ST3GAL3: variants seen among roughly 807,000 people sequenced by gnomAD.
ST3GAL3 encodes CMP-N-acetylneuraminate-beta-1,4-galactoside alpha-2,3-sialyltransferase.
A neutral mutation model predicts 50.1 loss-of-function variants in ST3GAL3; 21 were observed. That is an observed-to-expected ratio of 0.42 (90% confidence interval 0.30 to 0.60). The LOEUF is 0.60. ST3GAL3 is among the 20% of genes least tolerant of loss of function. ST3GAL3 has a pLI of 0.19. For synonymous variants in ST3GAL3, 183 were observed against 190.0 expected (o/e 0.96, Z 0.30); for missense variants, 353 against 489.4 (o/e 0.72, Z 2.63).
chr1:43,879,300 C>T (rs1478782597), intron 5 of ST3GAL3: 1 of 456,164 alleles, frequency 2.2e-6, no homozygotes, highest in East Asian at 7.0e-5. Flanking sequence ...GCATTGGGCC[C>T]TTTAACCTGT....
intron 2 of ST3GAL3, among the ~76,000 whole-genome samples, chr1:43,791,250 C>T (rs947001869): frequency 2.0e-5 from 3 of 152,148 alleles, no homozygotes; most frequent in African/African-American, 7.2e-5. Context: ...TCTCTTTTAT[C>T]AGTTTCTAGT....
intron 5 of ST3GAL3, among the ~76,000 whole-genome samples, chr1:43,853,266 G>A (rs1478262490): frequency 1.3e-5 from 2 of 152,206 alleles, no homozygotes; most frequent in Non-Finnish European, 2.9e-5. Context: ...CGTCCATGCT[G>A]CAGAGTGATA....
At chr1:43,717,895 G>A (rs1427906758) in intron 1 of ST3GAL3, among the ~76,000 whole-genome samples, 3 of 150,942 alleles carry the variant, frequency 2.0e-5, no homozygotes, top group Non-Finnish European at 2.9e-5. Context: ...TAAATGAGAC[G>A]GAGTTTCACT....
chr1:43,885,390 G>A (rs995817410), intron 5 of ST3GAL3, among the ~76,000 whole-genome samples: 2 of 152,158 alleles, frequency 1.3e-5, no homozygotes, highest in African/African-American at 2.4e-5. Flanking sequence ...TCCTTCTCAC[G>A]CACTCACACA....
chr1:43,771,211 A>G (rs549685350), intron 2 of ST3GAL3, among the ~76,000 whole-genome samples: 5 of 152,340 alleles, frequency 3.3e-5, no homozygotes, highest in Admixed American at 3.3e-4. Context: ...AACTGAATGT[A>G]TTTTATATTC....
chr1:43,768,560 G>A (rs1040841646), intron 2 of ST3GAL3, among the ~76,000 whole-genome samples: 14 of 152,228 alleles, frequency 9.2e-5, no homozygotes, highest in African/African-American at 3.1e-4. Flanking sequence ...CCAGGAACAG[G>A]AAGGGAGACC....
At position 43,898,324 on chromosome 1, in the gene ST3GAL3, TA is replaced by T. The variant is rs567813640; in HGVS notation, c.461+27del. On this transcript the variant is annotated intron_variant, in intron 7 of 11. Transcript: ENST00000347631. ...GTGAGCCACACACTGTGCAGCCTCC[TA>T]CCCACCGCTGCCTGGTGGTGTGCAG... 219 of 1,611,448 alleles carry T rather than the reference TA, an allele frequency of 1.4e-4. 1 individual carries two copies. In the African/African-American group the frequency reaches 2.5e-3, roughly 18 times the overall value.
At chr1:43,764,783 C>T (rs1005821293) in intron 2 of ST3GAL3, among the ~76,000 whole-genome samples, 4 of 152,190 alleles carry the variant, frequency 2.6e-5, no homozygotes, top group Non-Finnish European at 4.4e-5. Flanking sequence ...GGCCAGGCAG[C>T]GCTCTTCAGC....
intron 5 of ST3GAL3, among the ~76,000 whole-genome samples, chr1:43,889,701 A>G (rs760712071): frequency 4.5e-4 from 69 of 152,348 alleles, no homozygotes; most frequent in South Asian, 6.2e-4. Context: ...CAAAAACAGT[A>G]GTTGTGTTAA....
At chr1:43,853,332 C>A (rs2067701112) in intron 5 of ST3GAL3, among the ~76,000 whole-genome samples, 1 of 152,176 alleles carries the variant, frequency 6.6e-6, no homozygotes, top group South Asian at 2.1e-4. Context: ...TGGATCAGGT[C>A]CCATGCTGAG....
intron 5 of ST3GAL3, among the ~76,000 whole-genome samples, chr1:43,879,908 CTT>C (rs1339822005): frequency 3.3e-5 from 5 of 152,226 alleles, no homozygotes. Context: ...ATCCATCTGA[CTT>C]TTCCTGCTCC....
At chr1:43,844,588 G>A (rs2065922393) in intron 5 of ST3GAL3, among the ~76,000 whole-genome samples, 1 of 152,134 alleles carries the variant, frequency 6.6e-6, no homozygotes, top group Non-Finnish European at 1.5e-5. Context: ...GAGGAGGGTG[G>A]ATCATGAGGT....
intron 2 of ST3GAL3, among the ~76,000 whole-genome samples, chr1:43,767,357 T>C (rs1693466494): frequency 6.6e-6 from 1 of 152,086 alleles, no homozygotes; most frequent in South Asian, 2.1e-4. Context: ...GGGATGGTAC[T>C]CCCTGGGCAG....
At chr1:43,785,922 A>G (rs1558291993) in intron 2 of ST3GAL3, among the ~76,000 whole-genome samples, 1 of 152,100 alleles carries the variant, frequency 6.6e-6, no homozygotes, top group Admixed American at 6.6e-5. Flanking sequence ...GTCAGCATCC[A>G]TTTGCCCAAG....
chr1:43,716,707 A>G (rs1393888728), intron 1 of ST3GAL3, among the ~76,000 whole-genome samples: 1 of 152,160 alleles, frequency 6.6e-6, no homozygotes, highest in Non-Finnish European at 1.5e-5. Flanking sequence ...GTCTTCCTGA[A>G]CCTCATGTGC....
intron 5 of ST3GAL3, among the ~76,000 whole-genome samples, chr1:43,870,888 A>C (rs957162853): frequency 6.6e-6 from 1 of 152,186 alleles, no homozygotes; most frequent in Non-Finnish European, 1.5e-5. Flanking sequence ...GAGAAGGCCA[A>C]GTGGGCCAGG....
At position 43,930,284 on chromosome 1, in the gene ST3GAL3, A is replaced by T; in HGVS notation, c.*63A>T. ...CCAGGAGCAGCAGCCAGCACCACCT[A>T]CACAGGAGTCTTCAGACCCAGAGAA... On this transcript the variant is annotated 3_prime_UTR_variant, in exon 12 of 12. Coordinates refer to ENST00000347631, the MANE Select transcript of ST3GAL3 (RefSeq NM_006279.5). The T allele has an allele frequency of 6.7e-7, 1 of 1,498,408 alleles. No individual in the cohort carries two copies. Among genetic ancestry groups the T allele is most frequent in the Non-Finnish European group, 9.3e-7 (1 of 1,079,368 alleles). The allele number at this position is 1,498,408 out of a possible 1,614,324, so 92.8% of individuals were successfully genotyped here.
intron 5 of ST3GAL3, chr1:43,850,949 G>T: frequency 9.6e-7 from 1 of 1,036,546 alleles, no homozygotes; most frequent in Non-Finnish European, 1.5e-6. Context: ...TCCTGTAGAA[G>T]ATCGTGCGGA....
Position 43,899,085 on chromosome 1 carries a change from C to A in ST3GAL3, c.462-83C>A. 6.3e-7 allele frequency: 1 copy of A among 1,590,338 alleles called. No homozygotes were observed. Among genetic ancestry groups the A allele is most frequent in the Non-Finnish European group, 8.6e-7 (1 of 1,164,986 alleles). On this transcript the variant is annotated intron_variant, in intron 7 of 11. Transcript: ENST00000347631. This position sits in a 1 kb window ranked among gnomAD's most constrained non-coding sequence, Gnocchi z 5.4. ...ATCCCAGCCTGGTCCTGGACAAGGG[C>A]GTGGGGTCAAGGGCCAAAGGAGCAG... is the stretch of plus-strand genomic sequence containing the variant.
Sources: gnomAD v4.1 joint callset for allele counts (sites outside exome capture counted in the v4.1 genomes callset) on GRCh38, gnomAD v4.1.1 for gene constraint, Gnocchi (gnomAD v3.1) non-coding constraint, MANE v1.5 for transcripts, NCBI Gene and HGNC (gene_info 2026-07-23, HGNC 2026-07-21) for gene names.